The following ALDH1A2 variants were observed in gnomAD, a reference collection of about 807,000 sequenced individuals.
The protein encoded by ALDH1A2 is aldehyde dehydrogenase 1 family member A2, also known as retinal dehydrogenase 2.
Under a neutral mutation model 60.3 loss-of-function variants are expected in ALDH1A2, and 27 were observed. The ratio of observed to expected loss-of-function variants is 0.45; its 90% CI spans 0.33 to 0.62. The LOEUF is 0.62. ALDH1A2 is among the 20% of genes least tolerant of loss of function. ALDH1A2 has a pLI of 0.02. For synonymous variants in ALDH1A2, 289 were observed against 232.4 expected (o/e 1.24, Z -2.21); for missense variants, 581 against 643.8 (o/e 0.90, Z 1.06).
intron 1 of ALDH1A2, among the ~76,000 whole-genome samples, chr15:58,032,729 C>T (rs996713134): frequency 6.6e-6 from 1 of 151,858 alleles, no homozygotes; most frequent in Non-Finnish European, 1.5e-5. Context: ...CCTGCACTAG[C>T]ATATTTATTG....
intron 7 of ALDH1A2, among the ~76,000 whole-genome samples, chr15:57,983,964 A>C (rs762536880): frequency 9.9e-5 from 15 of 152,234 alleles, no homozygotes; most frequent in Non-Finnish European, 7.3e-5. Context: ...TTTGAAGTGA[A>C]TTTTAGGAAA....
chr15:58,014,340 G>T, intron 1 of ALDH1A2, 59 bp from the exon 2 acceptor site: 1 of 1,302,658 alleles, frequency 7.7e-7, no homozygotes, highest in South Asian at 1.2e-5. Context: ...GCCAGTCAAC[G>T]GCCAAGTGTT....
chr15:58,064,623 G>A (rs1021977954), intron 1 of ALDH1A2, among the ~76,000 whole-genome samples: 2 of 152,120 alleles, frequency 1.3e-5, no homozygotes, highest in African/African-American at 4.8e-5. Context: ...TCAAACCAGA[G>A]AACTACAAAA....
At chr15:57,960,264 G>C (rs1212441694) in intron 12 of ALDH1A2, among the ~76,000 whole-genome samples, 3 of 152,174 alleles carry the variant, frequency 2.0e-5, no homozygotes, top group Non-Finnish European at 4.4e-5. Context: ...ATATTTGTTA[G>C]ATTGTGAACT....
intron 1 of ALDH1A2, among the ~76,000 whole-genome samples, chr15:58,054,997 T>C (rs1180796628): frequency 6.6e-6 from 1 of 152,120 alleles, no homozygotes; most frequent in Non-Finnish European, 1.5e-5. Flanking sequence ...GGAATTAGAC[T>C]TAGGATCTGA....
chr15:58,043,796 G>C (rs1446736025), intron 1 of ALDH1A2, among the ~76,000 whole-genome samples: 1 of 151,886 alleles, frequency 6.6e-6, no homozygotes, highest in Non-Finnish European at 1.5e-5. Flanking sequence ...TAACAGCCAA[G>C]TCCTATTAAA....
At chr15:57,958,214 G>GCGCACACACAGACACA (rs67551670) in intron 12 of ALDH1A2, among the ~76,000 whole-genome samples, 1 of 151,700 alleles carries the variant, frequency 6.6e-6, no homozygotes, top group Non-Finnish European at 1.5e-5. Flanking sequence ...GTACACGCAC[G>GCGCACACACAGACACA]CACACACACA....
At position 57,999,428 on chromosome 15, in the gene ALDH1A2, A is replaced by C. The variant is rs569793304; in HGVS notation, c.494-4289T>G. ...AAGAAGACAGTCACGCAGCCAAAAA[A>C]CATGAAAAAAAGCTCATCATCAATG... On this transcript the variant is annotated intron_variant, in intron 4 of 12. Coordinates refer to ENST00000249750, the MANE Select transcript of ALDH1A2 (RefSeq NM_003888.4). Among the ~76,000 whole-genome samples, 9 of 152,202 alleles carry C rather than the reference A, an allele frequency of 5.9e-5. No individual in the cohort carries two copies. In the East Asian group the frequency reaches 1.5e-3, roughly 26 times the overall value.
chr15:57,988,927 G>A (rs1894802045), intron 7 of ALDH1A2, among the ~76,000 whole-genome samples: 1 of 152,134 alleles, frequency 6.6e-6, no homozygotes, highest in South Asian at 2.1e-4. Context: ...CCAGCATTTT[G>A]GGAGGCTGAG....
intron 1 of ALDH1A2, among the ~76,000 whole-genome samples, chr15:58,018,685 C>T (rs542153207): frequency 1.2e-4 from 18 of 152,222 alleles, no homozygotes; most frequent in Admixed American, 1.2e-3. Context: ...TCATGTGCAG[C>T]TGATATGATA....
intron 7 of ALDH1A2, among the ~76,000 whole-genome samples, chr15:57,983,169 A>G (rs537295286): frequency 6.6e-6 from 1 of 152,366 alleles, no homozygotes; most frequent in African/African-American, 2.4e-5. Flanking sequence ...TATTGAAAGG[A>G]AACAGTGAAA....
intron 4 of ALDH1A2, among the ~76,000 whole-genome samples, chr15:58,004,883 G>T (rs780972835): frequency 1.3e-5 from 2 of 150,734 alleles, no homozygotes; most frequent in Non-Finnish European, 3.0e-5. Flanking sequence ...AAAAATCACC[G>T]ATGACACAAA....
At chr15:58,013,524 G>A (rs1360111647) in intron 3 of ALDH1A2, among the ~76,000 whole-genome samples, 1 of 152,022 alleles carries the variant, frequency 6.6e-6, no homozygotes, top group Non-Finnish European at 1.5e-5. Context: ...CCCCAGGTCT[G>A]CTTCAAAGTA....
chr15:58,008,371 C>T (rs1372694203), intron 4 of ALDH1A2, among the ~76,000 whole-genome samples: 1 of 151,992 alleles, frequency 6.6e-6, no homozygotes, highest in African/African-American at 2.4e-5. Flanking sequence ...CTTTTCTATG[C>T]CCTGTATTTA....
At position 58,027,421 on chromosome 15, in the gene ALDH1A2, C is replaced by G. The variant is rs149612909; in HGVS notation, c.118-13140G>C. On this transcript the variant is annotated intron_variant, in intron 1 of 12. Transcript: ENST00000249750. ...TATCAAAGACCAAAGGTAGATAAAA[C>G]CACAAAGATGGGGAGAAGAGAAACC... 2.8e-3 allele frequency among the ~76,000 whole-genome samples: 430 copies of G among 152,192 alleles called. 1 individual carries two copies. The highest frequency in any genetic ancestry group is 9.9e-3 in the African/African-American group (410 of 41,520).
At chr15:58,017,785 TCTTA>T (rs1176783532) in intron 1 of ALDH1A2, among the ~76,000 whole-genome samples, 2 of 152,056 alleles carry the variant, frequency 1.3e-5, no homozygotes, top group African/African-American at 4.8e-5. Context: ...ATCTCTTTAT[TCTTA>T]CTTCTGTAAA....
At chr15:58,014,364 G>T in intron 1 of ALDH1A2, 83 bp from the exon 2 acceptor site, 2 of 997,312 alleles carry the variant, frequency 2.0e-6, no homozygotes, top group South Asian at 2.6e-5. Context: ...GAACTACTAT[G>T]GTAATAACAC....
intron 1 of ALDH1A2, among the ~76,000 whole-genome samples, chr15:58,046,869 A>T (rs1187004928): frequency 3.9e-5 from 6 of 151,998 alleles, no homozygotes; most frequent in Non-Finnish European, 1.5e-5. Context: ...TGGGATAAGG[A>T]ATTAAGATTG....
chr15:58,057,948 A>G, intron 1 of ALDH1A2: 1 of 877,806 alleles, frequency 1.1e-6, no homozygotes, highest in Non-Finnish European at 1.5e-6. Context: ...ATTAAATTTT[A>G]TAATAAAATT....
Sources: allele counts gnomAD v4.1 joint callset (sites outside exome capture counted in the v4.1 genomes callset), GRCh38; gene constraint gnomAD v4.1.1; transcripts MANE v1.5; gene names NCBI Gene and HGNC (gene_info 2026-07-23, HGNC 2026-07-21).